Variants in MYO15A observed in about 807,000 individuals in gnomAD.
The protein encoded by MYO15A is myosin XVA.
Under a neutral mutation model 394.6 loss-of-function variants are expected in MYO15A, and 308 were observed. That is an observed-to-expected ratio of 0.78 (90% confidence interval 0.71 to 0.86). The LOEUF is 0.86. MYO15A is among the 40% of genes least tolerant of loss of function. The pLI is 0.00. For synonymous variants in MYO15A, 1,957 were observed against 2,003.8 expected (o/e 0.98, Z 0.62); for missense variants, 4,606 against 4,799.1 (o/e 0.96, Z 1.19).
Position 18,150,919 on chromosome 17 carries a change from C to T in MYO15A, c.7473+6C>T. On this transcript the variant is annotated splice_donor_region_variant and intron_variant, in intron 38 of 65. Coordinates refer to ENST00000647165, the MANE Select transcript of MYO15A (RefSeq NM_016239.4). This position sits in a 1 kb window ranked among gnomAD's most constrained non-coding sequence, Gnocchi z 4.4. ...TGAGATCCTTGCCCGCAGAGGTGAGCCTGGCCTGCCCAGGGTGCAGGGGTT... is the reference window on the plus strand; with the variant it reads ...TGAGATCCTTGCCCGCAGAGGTGAGTCTGGCCTGCCCAGGGTGCAGGGGTT... 1 of 1,604,358 alleles carries T rather than the reference C, an allele frequency of 6.2e-7. No individual in the cohort carries two copies.
intron 1 of MYO15A, among the ~76,000 whole-genome samples, chr17:18,111,919 G>T (rs111712841): frequency 2.6e-5 from 4 of 152,364 alleles, no homozygotes; most frequent in African/African-American, 9.6e-5. Flanking sequence ...ATCCAGGAGA[G>T]GAATGAGACC....
At position 18,158,987 on chromosome 17, in the gene MYO15A, G is replaced by C. The variant is rs765603092; in HGVS notation, c.9146G>C (p.Cys3049Ser). ...RESRTLEDML[C>S]FTKTPLQESL... The stretch of plus-strand genomic sequence containing the variant: ...TCCAGAACCTTGGAGGACATGCTTT[G>C]CTTCACCAAGGTGTCCAGTCCCGGA... Residue 3049 changes from cysteine (C) to serine (S), a missense_variant, in exon 53 of 66, where the codon TGC becomes TCC. This residue lies in a region of MYO15A where 2,776 missense variants were observed against 3,109.3 expected (regional missense o/e 0.89). Coordinates refer to ENST00000647165, the MANE Select transcript of MYO15A (RefSeq NM_016239.4). 1 of 1,613,948 alleles carries C rather than the reference G, an allele frequency of 6.2e-7. No individual in the cohort carries two copies. The highest frequency in any genetic ancestry group is 8.5e-7 in the Non-Finnish European group (1 of 1,179,874).
chr17:18,161,529 C>CAG, intron 57 of MYO15A, 82 bp downstream of exon 57: 1 of 1,581,432 alleles, frequency 6.3e-7, no homozygotes. Context: ...AGGGGAAACC[C>CAG]AGAGGGCCTC....
At chr17:18,131,646 A>G (rs1386862903) in intron 10 of MYO15A, 115 bp downstream of exon 10, 2 of 1,235,976 alleles carry the variant, frequency 1.6e-6, no homozygotes, top group South Asian at 2.5e-5. Flanking sequence ...GAACGAATAC[A>G]TGCGTACATG....
chr17:18,130,498 G>A (rs1211131336), intron 7 of MYO15A, among the ~76,000 whole-genome samples: 1 of 152,048 alleles, frequency 6.6e-6, no homozygotes, highest in Non-Finnish European at 1.5e-5. Context: ...GCAGGAGTGG[G>A]CCTGGGTGTC....
Position 18,122,279 on chromosome 17 carries a change from G to A in MYO15A, c.3479G>A (p.Arg1160Gln), listed in dbSNP as rs375220157. 3.7e-6 allele frequency: 6 copies of A among 1,612,948 alleles called. No homozygotes were observed. Among genetic ancestry groups the A allele is most frequent in the Non-Finnish European group, 5.1e-6 (6 of 1,180,004 alleles). Residue 1160 changes from arginine to glutamine, a missense_variant, in exon 2 of 66, where the codon CGG (arginine) becomes CAG (glutamine). Transcript: ENST00000647165. The stretch of plus-strand genomic sequence containing the variant: ...CTTCGCTGGTCCTGCCTCTGGCTTC[G>A]GGCAGATGCCTATGGACCCTGGCCA... ...CSLRWSCLWL[R>Q]ADAYGPWPRV...
rs1248242927 is a variant in MYO15A at position 18,121,335 on chromosome 17, G to A, written c.2535G>A (p.Arg845=). 7.5e-5 allele frequency: 105 copies of A among 1,393,590 alleles called. No homozygotes were observed. The highest frequency in any genetic ancestry group is 9.6e-5 in the Non-Finnish European group (104 of 1,079,904). The allele number at this position is 1,393,590 out of a possible 1,614,324, so 86.3% of individuals were successfully genotyped here. A position where few individuals can be genotyped will look rare whatever the true frequency, so the allele number is the denominator to read the frequency against. ...GCTCGCCGCTGCCGGGCTCACCCAG[G>A]CCGCCCTCGCCGCCCCTGGGGCTCT... The part of the protein sequence containing the change: ...PPGSPLPGSP[R]PPSPPLGLCH... The change falls in exon 2 of 66, where the codon AGG becomes AGA. Residue 845 remains arginine (R), a synonymous_variant. Coordinates refer to ENST00000647165, the MANE Select transcript of MYO15A (RefSeq NM_016239.4). The surrounding 1 kb of genome is among the most constrained non-coding windows in gnomAD (Gnocchi z 5.3).
At chr17:18,133,965 GTTTAT>G (rs752683813) in intron 12 of MYO15A, among the ~76,000 whole-genome samples, 8 of 151,728 alleles carry the variant, frequency 5.3e-5, no homozygotes, top group Admixed American at 3.3e-4. Flanking sequence ...GCCCTTTGGT[GTTTAT>G]TTTATTTTAT....
rs199952218 is a variant in MYO15A at position 18,122,117 on chromosome 17, G to T, written c.3317G>T (p.Arg1106Leu). 1 of 1,612,892 alleles carries T rather than the reference G, an allele frequency of 6.2e-7. No individual in the cohort carries two copies. Among genetic ancestry groups the T allele is most frequent in the South Asian group, 1.1e-5 (1 of 91,088 alleles). Residue 1106 changes from arginine to leucine, a missense_variant, in exon 2 of 66, where the codon CGG becomes CTG. By Grantham distance (102) the Arg-to-Leu change is moderately radical (BLOSUM62 -2). Around this residue, in one of 2 missense-constraint regions of MYO15A, gnomAD observed 1,830 missense variants for 1,689.7 expected, o/e 1.08. Transcript: ENST00000647165. ...APEPLPKGGERRQAAPGRFAV... is the reference protein window; with the variant it reads ...APEPLPKGGELRQAAPGRFAV... ...GAGCCCCTGCCCAAGGGGGGTGAAC[G>T]GCGCCAGGCAGCCCCTGGGCGTTTT...
chr17:18,112,401 TG>T (rs2045732993), intron 1 of MYO15A, among the ~76,000 whole-genome samples: 2 of 149,588 alleles, frequency 1.3e-5, no homozygotes, highest in Non-Finnish European at 3.0e-5. Context: ...TACACTTTTT[TG>T]GGGGGTCGTG....
In MYO15A at chr17:18,136,462, G is replaced by A. The variant is rs201067821; in HGVS notation, c.4642G>A (p.Ala1548Thr). 80 of 1,613,556 alleles carry A rather than the reference G, an allele frequency of 5.0e-5. No individual in the cohort carries two copies. Among genetic ancestry groups the A allele is most frequent in the Middle Eastern group, 1.6e-4 (1 of 6,084 alleles). ...CTTCACGCCCCTAACTGTGGAGAGC[G>A]CTGTGGATGCCAGGTGAGGCCACGC... is the stretch of plus-strand genomic sequence containing the variant. The part of the protein sequence containing the change: ...KIFTPLTVES[A>T]VDARDAIAKV... Residue 1548 changes from alanine (A) to threonine (T), a missense_variant, in exon 14 of 66, where the codon GCT becomes ACT. Ala to Thr is a moderately conservative substitution (Grantham distance 58, BLOSUM62 0). Transcript: ENST00000647165.
At chr17:18,122,800 T>C (rs1162097734) in intron 2 of MYO15A, 1 of 203,364 alleles carries the variant, frequency 4.9e-6, no homozygotes, top group East Asian at 1.2e-4. Context: ...TCCATCCTGT[T>C]CCACCGCACA....
At chr17:18,175,977 C>T (rs969154422) in intron 65 of MYO15A, among the ~76,000 whole-genome samples, 2 of 152,164 alleles carry the variant, frequency 1.3e-5, no homozygotes, top group African/African-American at 4.8e-5. Context: ...ACCTGGAATG[C>T]TCTTCCTTGA....
intron 12 of MYO15A, among the ~76,000 whole-genome samples, chr17:18,134,078 C>A (rs1311047614): frequency 1.8e-4 from 27 of 152,154 alleles, no homozygotes; most frequent in Admixed American, 1.8e-3. Context: ...CAACCTCTGC[C>A]TCCCAGGTTC....
intron 7 of MYO15A, among the ~76,000 whole-genome samples, chr17:18,129,838 C>G (rs901284638): frequency 2.6e-5 from 4 of 152,166 alleles, no homozygotes; most frequent in Non-Finnish European, 5.9e-5. Flanking sequence ...ATGGTCACCC[C>G]TGGGCAGCTC....
intron 1 of MYO15A, among the ~76,000 whole-genome samples, chr17:18,114,409 G>A (rs770998357): frequency 6.6e-6 from 1 of 151,830 alleles, no homozygotes; most frequent in Non-Finnish European, 1.5e-5. Context: ...GCGCCACCAC[G>A]CCCAGCTAAT....
Position 18,159,937 on chromosome 17 carries a change from G to A in MYO15A, c.9306G>A (p.Leu3102=), listed in dbSNP as rs755395961. Residue 3102 remains leucine, a splice_region_variant and synonymous_variant, in exon 56 of 66, where the codon CTG becomes CTA. Transcript: ENST00000647165. ...DLDVLCNLLK[L]CGDHEVMRDE... is the part of the protein sequence containing the mutation. Reference sequence around the variant, plus strand: ...GTAACCTCCCTGCCCCCCTTCAGCTGTGCGGGGACCATGAGGTCATGCGGG... The same window carrying A: ...GTAACCTCCCTGCCCCCCTTCAGCTATGCGGGGACCATGAGGTCATGCGGG... 12 of 1,613,958 alleles carry A rather than the reference G, an allele frequency of 7.4e-6. No homozygotes were observed. In the East Asian group the frequency reaches 2.7e-4, roughly 36 times the overall value.
chr17:18,137,874 T>C lies in MYO15A; in HGVS notation c.4875+195T>C, dbSNP rs193265547. The C allele has an allele frequency of 1.7e-4, 147 of 848,482 alleles. 1 individual carries two copies. The highest frequency in any genetic ancestry group is 3.7e-4 in the Admixed American group (17 of 46,068). The allele number at this position is 848,482 out of a possible 1,614,324, so 52.6% of individuals were successfully genotyped here. A position where few individuals can be genotyped will look rare whatever the true frequency, so the allele number is the denominator to read the frequency against. On this transcript the variant is annotated intron_variant, in intron 16 of 65. Coordinates refer to ENST00000647165, the MANE Select transcript of MYO15A (RefSeq NM_016239.4). ...AGGGAAAGGTGCTGAGGTGCTGTGC[T>C]CAGAGAGGAGTCCCCTTGGTGGGGG... is the stretch of plus-strand genomic sequence containing the variant.
At chr17:18,122,507 G>C in intron 2 of MYO15A, 98 bp downstream of exon 2, 1 of 1,489,650 alleles carries the variant, frequency 6.7e-7, no homozygotes, top group Non-Finnish European at 8.9e-7. Flanking sequence ...CTTGGAGAGA[G>C]GCTGCTTGCT....
Sources: gnomAD v4.1 joint callset for allele counts (sites outside exome capture counted in the v4.1 genomes callset) on GRCh38, gnomAD v4.1.1 for gene constraint, gnomAD v4.1.1 regional missense constraint, Gnocchi (gnomAD v3.1) non-coding constraint, MANE v1.5 for transcripts, NCBI Gene and HGNC (gene_info 2026-07-23, HGNC 2026-07-21) for gene names.